CSRNP3: variants seen among roughly 807,000 people sequenced by gnomAD.
CSRNP3 encodes the protein cysteine/serine-rich nuclear protein 3.
CSRNP3 carries 12 observed loss-of-function variants against 48.0 expected under a neutral mutation model. That is an observed-to-expected ratio of 0.25 (90% confidence interval 0.16 to 0.41). The LOEUF (loss-of-function observed/expected upper bound fraction) is 0.41, where lower values mean the gene tolerates loss of function less well. Among genes scored for constraint, CSRNP3 ranks in the 10% least tolerant of loss-of-function variants. CSRNP3 has a pLI of 1.00. For synonymous variants in CSRNP3, 263 were observed against 269.7 expected (o/e 0.98, Z 0.24); for missense variants, 580 against 724.4 (o/e 0.80, Z 2.29).
In CSRNP3 at chr2:165,482,336, T is replaced by A. The variant is rs112826689; in HGVS notation, c.-282-12423T>A. 1.3e-5 allele frequency among the ~76,000 whole-genome samples: 2 copies of A among 151,480 alleles called. 1 individual carries two copies. Among genetic ancestry groups the A allele is most frequent in the African/African-American group, 4.8e-5 (2 of 41,264 alleles). On this transcript the variant is annotated intron_variant, in intron 1 of 6. Transcript: ENST00000651982. ...TGGAGTGCAGTGGAATGATCTTGAATCACCGCAACCTCCACCTCCTGAGTC... is the reference window on the plus strand; with the variant it reads ...TGGAGTGCAGTGGAATGATCTTGAAACACCGCAACCTCCACCTCCTGAGTC...
chr2:165,645,320 TGA>T (rs896441088), intron 4 of CSRNP3, among the ~76,000 whole-genome samples: 5 of 151,638 alleles, frequency 3.3e-5, no homozygotes, highest in Admixed American at 3.3e-4. Context: ...GGCGACAGAG[TGA>T]GACTCTGGTC....
chr2:165,611,761 T>G (rs567491432), intron 4 of CSRNP3, among the ~76,000 whole-genome samples: 1 of 152,162 alleles, frequency 6.6e-6, no homozygotes. Flanking sequence ...TTAGTAAAGT[T>G]GTGAAGCCAG....
At chr2:165,470,402 A>G (rs1683877907) in intron 1 of CSRNP3, among the ~76,000 whole-genome samples, 1 of 152,132 alleles carries the variant, frequency 6.6e-6, no homozygotes, top group Non-Finnish European at 1.5e-5. Context: ...GTTAACTTAC[A>G]TGGAGCCATT....
rs1687628869 is a variant in CSRNP3 at position 165,686,248 on chromosome 2, C to G, written c.*6495C>G. ...ACCTTCATCAAGTCCTACTGCCACA[C>G]TGGATAAGGCCACTACCCCCGACCC... On this transcript the variant is annotated 3_prime_UTR_variant, in exon 7 of 7. Coordinates refer to ENST00000651982, the MANE Select transcript of CSRNP3 (RefSeq NM_001172173.2). 1 of 152,076 alleles carries G rather than the reference C, an allele frequency of 6.6e-6. No individual in the cohort carries two copies. Among genetic ancestry groups the G allele is most frequent in the Non-Finnish European group, 1.5e-5 (1 of 67,972 alleles). The allele number at this position is 152,076 out of a possible 1,614,324, so 9.4% of individuals were successfully genotyped here.
chr2:165,497,132 G>T (rs138894706), intron 2 of CSRNP3, among the ~76,000 whole-genome samples: 1 of 151,954 alleles, frequency 6.6e-6, no homozygotes, highest in Admixed American at 6.6e-5. Context: ...CTATTTTGAC[G>T]TGTGGTTTTA....
chr2:165,651,799 G>A (rs1030481593), intron 4 of CSRNP3, among the ~76,000 whole-genome samples: 89 of 152,036 alleles, frequency 5.9e-4, no homozygotes, highest in African/African-American at 2.0e-3. Flanking sequence ...GGGATTACAG[G>A]CACCTACCAC....
chr2:165,535,280 TG>T (rs1486673603), intron 3 of CSRNP3, among the ~76,000 whole-genome samples: 12 of 151,372 alleles, frequency 7.9e-5, no homozygotes, highest in African/African-American at 2.9e-4. Flanking sequence ...AGTAGTATGC[TG>T]GGGACTAGGT....
intron 3 of CSRNP3, among the ~76,000 whole-genome samples, chr2:165,559,067 G>T (rs1325803038): frequency 1.3e-5 from 2 of 152,104 alleles, no homozygotes; most frequent in Non-Finnish European, 2.9e-5. Flanking sequence ...ATGTGTCAGA[G>T]ACTACTGAGA....
At chr2:165,641,932 C>T (rs1686727225) in intron 4 of CSRNP3, among the ~76,000 whole-genome samples, 1 of 152,072 alleles carries the variant, frequency 6.6e-6, no homozygotes, top group African/African-American at 2.4e-5. Context: ...GGAAACAAAC[C>T]TCTTTATACC....
In CSRNP3 at chr2:165,683,914, C is replaced by G. The variant is rs986094703; in HGVS notation, c.*4161C>G. On this transcript the variant is annotated 3_prime_UTR_variant, in exon 7 of 7. Transcript: ENST00000651982. ...ACTGGATCGCCCTTCATCTCTCTCC[C>G]TCCATCTGAAATGTATGAATTAAAT... The G allele has an allele frequency of 6.6e-6, 1 of 152,094 alleles. No homozygotes were observed. Among genetic ancestry groups the G allele is most frequent in the Non-Finnish European group, 1.5e-5 (1 of 67,978 alleles). 9.4% of individuals were successfully genotyped at this position (152,094 alleles called of 1,614,324 possible). A position where few individuals can be genotyped will look rare whatever the true frequency, so the allele number is the denominator to read the frequency against.
intron 3 of CSRNP3, among the ~76,000 whole-genome samples, chr2:165,530,651 T>A (rs1358432192): frequency 6.6e-6 from 1 of 152,096 alleles, no homozygotes; most frequent in African/African-American, 2.4e-5. Context: ...CTCTCTAGGA[T>A]TTTTTTCCTT....
chr2:165,486,047 C>A (rs1472993650), intron 1 of CSRNP3, among the ~76,000 whole-genome samples: 1 of 152,162 alleles, frequency 6.6e-6, no homozygotes, highest in East Asian at 1.9e-4. Context: ...GTTCATCTCA[C>A]TAGGGAGTGC....
chr2:165,549,593 C>G (rs1553474480), intron 3 of CSRNP3, among the ~76,000 whole-genome samples: 2 of 152,040 alleles, frequency 1.3e-5, no homozygotes, highest in African/African-American at 2.4e-5. Context: ...TCATTTTTAT[C>G]TATGTCATTT....
At chr2:165,533,654 G>T (rs1279131325) in intron 3 of CSRNP3, among the ~76,000 whole-genome samples, 1 of 151,950 alleles carries the variant, frequency 6.6e-6, no homozygotes, top group African/African-American at 2.4e-5. Flanking sequence ...AAGGACACAA[G>T]AATTTTTCTC....
At position 165,683,752 on chromosome 2, in the gene CSRNP3, T is replaced by G. The variant is rs548881872; in HGVS notation, c.*3999T>G. 12 of 152,178 alleles carry G rather than the reference T, an allele frequency of 7.9e-5. No homozygotes were observed. The highest frequency in any genetic ancestry group is 2.9e-4 in the African/African-American group (12 of 41,560). The allele number at this position is 152,178 out of a possible 1,614,324, so 9.4% of individuals were successfully genotyped here. A position where few individuals can be genotyped will look rare whatever the true frequency, so the allele number is the denominator to read the frequency against. Reference sequence around the variant, plus strand: ...TGGATAATATTAATGAAGGGTGGCATGAAATAATCAAGCTTTCTCAAATCC... The same window carrying G: ...TGGATAATATTAATGAAGGGTGGCAGGAAATAATCAAGCTTTCTCAAATCC... On this transcript the variant is annotated 3_prime_UTR_variant, in exon 7 of 7. Transcript: ENST00000651982.
chr2:165,574,912 G>C lies in CSRNP3; in HGVS notation c.-23-20131G>C, dbSNP rs190940643. ...AAGTATATTTTCATTCCATTTGAAG[G>C]GTTTTGGTTTTGAGGGTTTTTGTTC... On this transcript the variant is annotated intron_variant, in intron 3 of 6. Coordinates refer to ENST00000651982, the MANE Select transcript of CSRNP3 (RefSeq NM_001172173.2). Among the ~76,000 whole-genome samples, 69 of 152,144 alleles carry C rather than the reference G, an allele frequency of 4.5e-4. 1 individual carries two copies. The East Asian group carries it at 9.2e-3, about 20-fold the overall frequency.
intron 5 of CSRNP3, among the ~76,000 whole-genome samples, chr2:165,660,268 T>A (rs1687074569): frequency 6.6e-6 from 1 of 152,226 alleles, no homozygotes; most frequent in Admixed American, 6.5e-5. Context: ...GAACATGATT[T>A]AATGTAATCC....
chr2:165,495,273 A>G (rs1018754512), intron 2 of CSRNP3, among the ~76,000 whole-genome samples: 3 of 152,058 alleles, frequency 2.0e-5, no homozygotes, highest in Non-Finnish European at 2.9e-5. Flanking sequence ...TCAATGAGTT[A>G]CACAATATTT....
chr2:165,611,399 ATG>A (rs1366315385), intron 4 of CSRNP3, among the ~76,000 whole-genome samples: 1 of 151,990 alleles, frequency 6.6e-6, no homozygotes, highest in Non-Finnish European at 1.5e-5. Context: ...ACATATATAT[ATG>A]TATATACTTT....
Sources: gnomAD v4.1 joint callset for allele counts (sites outside exome capture counted in the v4.1 genomes callset) on GRCh38, gnomAD v4.1.1 for gene constraint, MANE v1.5 for transcripts, NCBI Gene and HGNC (gene_info 2026-07-23, HGNC 2026-07-21) for gene names.